STXBP4: variants seen among roughly 807,000 people sequenced by gnomAD.
STXBP4 encodes syntaxin binding protein 4, also known as syntaxin-binding protein 4.
A neutral mutation model predicts 76.1 loss-of-function variants in STXBP4; 55 were observed. The ratio of observed to expected loss-of-function variants is 0.72; its 90% CI spans 0.58 to 0.91. The LOEUF (loss-of-function observed/expected upper bound fraction) is 0.91. Ranked by LOEUF, STXBP4 falls within the 40% of genes least tolerant of loss-of-function variation. The pLI, the probability that STXBP4 is intolerant of heterozygous loss-of-function variation, is 0.00. For missense variants in STXBP4, 618 were observed against 636.9 expected (o/e 0.97, Z 0.32); for synonymous variants, 201 against 220.2 (o/e 0.91, Z 0.77).
At chr17:55,097,641 C>G (rs1448688931) in intron 16 of STXBP4, among the ~76,000 whole-genome samples, 3 of 146,656 alleles carry the variant, frequency 2.0e-5, no homozygotes, top group Non-Finnish European at 4.5e-5. Context: ...CCAGCCTGGG[C>G]AACAGAGCAA....
chr17:55,069,327 A>G (rs555073901), intron 12 of STXBP4, among the ~76,000 whole-genome samples: 13 of 152,154 alleles, frequency 8.5e-5, no homozygotes, highest in African/African-American at 3.1e-4. Context: ...ACTGAATTAA[A>G]CTCTATCTAG....
intron 16 of STXBP4, among the ~76,000 whole-genome samples, chr17:55,122,265 A>G (rs1231426395): frequency 2.6e-5 from 4 of 152,360 alleles, no homozygotes; most frequent in East Asian, 3.9e-4. Flanking sequence ...ATTGTCCACA[A>G]TCATGTTTTC....
the STXBP4 span, among the ~76,000 whole-genome samples, chr17:55,208,124 T>G: frequency 6.6e-6 from 1 of 151,372 alleles, no homozygotes; most frequent in Non-Finnish European, 1.5e-5. Flanking sequence ...AATTACAGCC[T>G]TTTCACAGAT....
At chr17:55,025,027 G>A (rs556580335) in intron 8 of STXBP4, among the ~76,000 whole-genome samples, 1 of 151,990 alleles carries the variant, frequency 6.6e-6, no homozygotes, top group Non-Finnish European at 1.5e-5. Flanking sequence ...TGTAGTCCCA[G>A]CTACTCAGGA....
At chr17:55,140,274 C>T (rs1236496340) in intron 16 of STXBP4, among the ~76,000 whole-genome samples, 2 of 152,146 alleles carry the variant, frequency 1.3e-5, no homozygotes, top group Admixed American at 6.6e-5. Flanking sequence ...TGCTACTGCA[C>T]TCTTGCCTGG....
Position 55,164,542 on chromosome 17 carries a change from C to T in STXBP4, c.*4631C>T, listed in dbSNP as rs2080365644. 1 of 149,266 alleles carries T rather than the reference C, an allele frequency of 6.7e-6. No homozygotes were observed. Among genetic ancestry groups the T allele is most frequent in the South Asian group, 2.1e-4 (1 of 4,706 alleles). 9.2% of individuals were successfully genotyped at this position (149,266 alleles called of 1,614,324 possible). On this transcript the variant is annotated 3_prime_UTR_variant, in exon 18 of 18. Transcript: ENST00000376352. ...CTCGGCTCACTGCAAGCTCCGCTTCCCGGGTTCACGCCATTCTCCTGCCTC... is the reference window on the plus strand; with the variant it reads ...CTCGGCTCACTGCAAGCTCCGCTTCTCGGGTTCACGCCATTCTCCTGCCTC...
At chr17:55,185,192 C>T in the STXBP4 span, among the ~76,000 whole-genome samples, 10 of 37,760 alleles carry the variant, frequency 2.6e-4, no homozygotes, top group African/African-American at 1.1e-3. Context: ...TCTTCTTTTT[C>T]TTCTTCTTCT....
chr17:55,031,278 T>C lies in STXBP4; in HGVS notation c.763+14T>C, dbSNP rs1313786454. ...TGTCTTTTGGAGGTAATATTAGGTTTATTGTGTTGTATTATCACTGAATCA... is the reference window on the plus strand; with the variant it reads ...TGTCTTTTGGAGGTAATATTAGGTTCATTGTGTTGTATTATCACTGAATCA... On this transcript the variant is annotated intron_variant, in intron 9 of 17. Coordinates refer to ENST00000376352, the MANE Select transcript of STXBP4 (RefSeq NM_178509.6). 1.3e-6 allele frequency: 2 copies of C among 1,544,858 alleles called. No individual in the cohort carries two copies. The highest frequency in any genetic ancestry group is 2.7e-5 in the African/African-American group (2 of 73,402).
At chr17:55,183,478 T>C in the STXBP4 span, among the ~76,000 whole-genome samples, 1 of 152,072 alleles carries the variant, frequency 6.6e-6, no homozygotes, top group East Asian at 1.9e-4. Flanking sequence ...CATACATTGG[T>C]TGGCATAAGT....
chr17:55,038,972 C>A (rs2078650236), intron 10 of STXBP4, among the ~76,000 whole-genome samples: 1 of 152,092 alleles, frequency 6.6e-6, no homozygotes, highest in Non-Finnish European at 1.5e-5. Flanking sequence ...TAGTATGTAT[C>A]ATATTTCTCA....
At chr17:55,107,382 A>G (rs546416328) in intron 16 of STXBP4, among the ~76,000 whole-genome samples, 5 of 152,016 alleles carry the variant, frequency 3.3e-5, no homozygotes, top group Non-Finnish European at 5.9e-5. Flanking sequence ...AGGTTACAAC[A>G]TGCTCCTTTA....
At chr17:55,000,258 A>C in intron 6 of STXBP4, 2 of 985,414 alleles carry the variant, frequency 2.0e-6, no homozygotes, top group Non-Finnish European at 2.4e-6. Flanking sequence ...CATCCAATCT[A>C]AGAAGGTATT....
chr17:54,970,479 CT>C (rs1300059035), intron 1 of STXBP4, among the ~76,000 whole-genome samples: 2 of 152,088 alleles, frequency 1.3e-5, no homozygotes, highest in Non-Finnish European at 2.9e-5. Flanking sequence ...ATATAAATAC[CT>C]TCTGACTTCT....
intron 8 of STXBP4, among the ~76,000 whole-genome samples, chr17:55,025,837 T>G (rs2078402080): frequency 6.6e-6 from 1 of 152,158 alleles, no homozygotes; most frequent in South Asian, 2.1e-4. Flanking sequence ...GCAGGAAGAA[T>G]TAAAACTATC....
chr17:55,150,935 A>G (rs1035151670), intron 17 of STXBP4, among the ~76,000 whole-genome samples: 2 of 152,208 alleles, frequency 1.3e-5, no homozygotes, highest in Admixed American at 1.3e-4. Context: ...GGGTCCAATC[A>G]CGTGACTCCT....
chr17:54,978,535 T>TA lies in STXBP4; in HGVS notation c.-156-7076dup, dbSNP rs549359204. 3.3e-5 allele frequency among the ~76,000 whole-genome samples: 5 copies of TA among 152,314 alleles called. No homozygotes were observed. In the East Asian group the frequency reaches 7.7e-4, roughly 23 times the overall value. ...ACCAGATCTATGTTATTTTCTCTTT[T>TA]AAATTGCAACATTTGTTGATACCTT... On this transcript the variant is annotated intron_variant, in intron 1 of 17. Transcript: ENST00000376352.
At chr17:55,008,148 G>A (rs2078042637) in intron 8 of STXBP4, among the ~76,000 whole-genome samples, 1 of 151,432 alleles carries the variant, frequency 6.6e-6, no homozygotes, top group Non-Finnish European at 1.5e-5. Context: ...AAAAATTAAA[G>A]GCAGAAAAGC....
chr17:55,073,122 G>C, intron 13 of STXBP4, 46 bp downstream of exon 13: 1 of 1,569,958 alleles, frequency 6.4e-7, no homozygotes, highest in Non-Finnish European at 8.7e-7. Flanking sequence ...TTTCCTTGCC[G>C]TTGTCATGTA....
At chr17:55,048,572 A>T (rs1335422167) in intron 12 of STXBP4, among the ~76,000 whole-genome samples, 1 of 151,848 alleles carries the variant, frequency 6.6e-6, no homozygotes, top group Non-Finnish European at 1.5e-5. Flanking sequence ...TATGAAAAAC[A>T]CATCTCAAAT....
Sources: gnomAD v4.1 joint callset for allele counts (sites outside exome capture counted in the v4.1 genomes callset) on GRCh38, gnomAD v4.1.1 for gene constraint, MANE v1.5 for transcripts, NCBI Gene and HGNC (gene_info 2026-07-23, HGNC 2026-07-21) for gene names.